Variants in EEF2K observed in about 807,000 individuals in gnomAD.
EEF2K encodes alternative protein EEF2K.
EEF2K carries 70 observed loss-of-function variants against 93.8 expected under a neutral mutation model. The ratio of observed to expected loss-of-function variants is 0.75; its 90% CI spans 0.62 to 0.91. The LOEUF is 0.91. Ranked by LOEUF, EEF2K falls within the 40% of genes least tolerant of loss-of-function variation. The probability of loss-of-function intolerance (pLI) is 0.00; values close to 1 mark genes in which losing one functional copy is unlikely to be tolerated. For missense variants in EEF2K, 935 were observed against 972.9 expected (o/e 0.96, Z 0.52); for synonymous variants, 376 against 380.8 (o/e 0.99, Z 0.15).
intron 13 of EEF2K, among the ~76,000 whole-genome samples, chr16:22,265,983 G>A (rs1475587588): frequency 1.3e-5 from 2 of 152,084 alleles, no homozygotes; most frequent in Admixed American, 1.3e-4. Context: ...TAAATGATGG[G>A]GAAGCGCTTC....
chr16:22,226,517 C>CTTCTTTTTTTTTT (rs1555469266), intron 2 of EEF2K, among the ~76,000 whole-genome samples: 5,316 of 105,616 alleles, frequency 0.05, 209 homozygotes, highest in East Asian at 0.15. Context: ...CCTTCTTCTT[C>CTTCTTTTTTTTTT]TTTTTTTTTT....
intron 1 of EEF2K, among the ~76,000 whole-genome samples, chr16:22,223,743 CTCTT>C (rs1330832747): frequency 1.3e-5 from 2 of 152,150 alleles, no homozygotes; most frequent in Admixed American, 6.6e-5. Context: ...TCTTCCTGAA[CTCTT>C]TCTTGATTAT....
intron 16 of EEF2K, among the ~76,000 whole-genome samples, chr16:22,279,018 CA>C (rs2047667389): frequency 6.6e-6 from 1 of 152,096 alleles, no homozygotes; most frequent in African/African-American, 2.4e-5. Flanking sequence ...GAGGCCTCTG[CA>C]GAGGACCCCG....
intron 1 of EEF2K, among the ~76,000 whole-genome samples, chr16:22,214,875 A>C (rs2046944748): frequency 6.6e-6 from 1 of 152,222 alleles, no homozygotes; most frequent in South Asian, 2.1e-4. Flanking sequence ...CAAGGAAAGA[A>C]AGCAACGAAA....
rs1246254098 is a variant in EEF2K, at chr16:22,284,975, GGC to G, written c.*980_*981del. 6.6e-6 allele frequency: 1 copy of G among 152,420 alleles called. No individual in the cohort carries two copies. Among genetic ancestry groups the G allele is most frequent in the African/African-American group, 2.4e-5 (1 of 41,372 alleles). 9.4% of individuals were successfully genotyped at this position (152,420 alleles called of 1,614,324 possible). ...CCTTCCATAATGCTACTGATTTTCT[GGC>G]ATACAGCCGAATTCCATCTTTTAAG... On this transcript the variant is annotated 3_prime_UTR_variant, in exon 18 of 18. Transcript: ENST00000263026.
At chr16:22,229,613 A>G (rs2070381447) in intron 2 of EEF2K, among the ~76,000 whole-genome samples, 1 of 152,128 alleles carries the variant, frequency 6.6e-6, no homozygotes, top group Non-Finnish European at 1.5e-5. Context: ...AAGCATGAGA[A>G]TCACTTGAAC....
At chr16:22,262,929 G>A (rs1186305931) in intron 11 of EEF2K, among the ~76,000 whole-genome samples, 181 bp from the exon 12 acceptor site, 3 of 152,050 alleles carry the variant, frequency 2.0e-5, no homozygotes, top group African/African-American at 4.8e-5. Context: ...TGCCTGCCTC[G>A]GCCTCCCAAA....
chr16:22,274,509 A>G (rs771386071), intron 16 of EEF2K, among the ~76,000 whole-genome samples: 3 of 152,128 alleles, frequency 2.0e-5, no homozygotes, highest in Non-Finnish European at 2.9e-5. Flanking sequence ...AGTATAGGTA[A>G]TGATTTGCCT....
At chr16:22,254,297 G>A (rs2047379129) in intron 6 of EEF2K, among the ~76,000 whole-genome samples, 1 of 152,160 alleles carries the variant, frequency 6.6e-6, no homozygotes, top group African/African-American at 2.4e-5. Context: ...GATGGGACCA[G>A]CCTTTGGGCA....
chr16:22,257,582 C>T, intron 8 of EEF2K, 61 bp from the exon 9 acceptor site: 1 of 1,592,862 alleles, frequency 6.3e-7, no homozygotes, highest in Non-Finnish European at 8.5e-7. Context: ...TGAGGCCCAC[C>T]ACTGCCTGTC....
intron 5 of EEF2K, 129 bp from the exon 6 acceptor site, chr16:22,251,022 C>T (rs1042725413): frequency 5.2e-6 from 6 of 1,143,948 alleles, no homozygotes; most frequent in Middle Eastern, 2.9e-4. Context: ...CTTCTTACCT[C>T]CTGCATTTTG....
At chr16:22,215,232 T>G (rs2046947742) in intron 1 of EEF2K, among the ~76,000 whole-genome samples, 1 of 152,142 alleles carries the variant, frequency 6.6e-6, no homozygotes, top group Non-Finnish European at 1.5e-5. Flanking sequence ...CTCTGGTCCT[T>G]TTGTTACTTG....
In EEF2K at chr16:22,284,270, T is replaced by G. The variant is rs2047730319; in HGVS notation, c.*274T>G. On this transcript the variant is annotated 3_prime_UTR_variant, in exon 18 of 18. Coordinates refer to ENST00000263026, the MANE Select transcript of EEF2K (RefSeq NM_013302.5). ...AACCAACATACCGTTTTGTGTGTGG[T>G]TTTTTTTGTTTGTTTGTTTGTTTGT... 5.4e-6 allele frequency: 2 copies of G among 371,502 alleles called. No homozygotes were observed. The highest frequency in any genetic ancestry group is 5.2e-5 in the East Asian group (1 of 19,332). The allele number at this position is 371,502 out of a possible 1,614,324, so 23.0% of individuals were successfully genotyped here.
Position 22,266,458 on chromosome 16 carries a change from C to A in EEF2K, c.1509C>A (p.Ala503=). The A allele has an allele frequency of 6.2e-7, 1 of 1,614,178 alleles. No homozygotes were observed. The highest frequency in any genetic ancestry group is 8.5e-7 in the Non-Finnish European group (1 of 1,180,030). Residue 503 remains alanine (A), a synonymous_variant, in exon 14 of 18, where the codon GCC becomes GCA. Coordinates refer to ENST00000263026, the MANE Select transcript of EEF2K (RefSeq NM_013302.5). ...RLHLPRASAV[A]LEVQRLNALD... is the part of the protein sequence containing the mutation. ...ACCTGCCGAGGGCTTCGGCCGTGGC[C>A]CTGGAAGTGCAAAGGCTTAATGCTC...
At chr16:22,211,087 G>A (rs1202890274) in intron 1 of EEF2K, among the ~76,000 whole-genome samples, 1 of 152,188 alleles carries the variant, frequency 6.6e-6, no homozygotes, top group Non-Finnish European at 1.5e-5. Flanking sequence ...TCCGTGGCCA[G>A]GCAGGGGAGA....
At chr16:22,241,351 A>G (rs979912363) in intron 2 of EEF2K, among the ~76,000 whole-genome samples, 4 of 152,102 alleles carry the variant, frequency 2.6e-5, no homozygotes, top group African/African-American at 9.7e-5. Flanking sequence ...AATCTTATTA[A>G]AAAATGCATG....
rs994922285 is a variant in EEF2K at position 22,284,281 on chromosome 16, T to G, written c.*285T>G. 1 of 341,210 alleles carries G rather than the reference T, an allele frequency of 2.9e-6. No individual in the cohort carries two copies. The allele number at this position is 341,210 out of a possible 1,614,324, so 21.1% of individuals were successfully genotyped here. A position where few individuals can be genotyped will look rare whatever the true frequency, so the allele number is the denominator to read the frequency against. ...CGTTTTGTGTGTGGTTTTTTTTGTT[T>G]GTTTGTTTGTTTGTTTTGAGACAGA... On this transcript the variant is annotated 3_prime_UTR_variant, in exon 18 of 18. Coordinates refer to ENST00000263026, the MANE Select transcript of EEF2K (RefSeq NM_013302.5).
intron 6 of EEF2K, among the ~76,000 whole-genome samples, chr16:22,255,034 G>A (rs2047386133): frequency 6.6e-6 from 1 of 152,180 alleles, no homozygotes; most frequent in Non-Finnish European, 1.5e-5. Flanking sequence ...TCGTGCCACT[G>A]CAGTCCAGCC....
intron 2 of EEF2K, among the ~76,000 whole-genome samples, chr16:22,230,370 T>C (rs1418107074): frequency 6.6e-6 from 1 of 152,102 alleles, no homozygotes; most frequent in Non-Finnish European, 1.5e-5. Flanking sequence ...CACGCCACTA[T>C]GCCCTGCTAA....
Sources: gnomAD v4.1 joint callset for allele counts (sites outside exome capture counted in the v4.1 genomes callset) on GRCh38, gnomAD v4.1.1 for gene constraint, MANE v1.5 for transcripts, NCBI Gene and HGNC (gene_info 2026-07-23, HGNC 2026-07-21) for gene names.